Variants in TFEB observed in about 807,000 individuals in gnomAD.
TFEB encodes the protein transcription factor EB, also known as T-cell transcription factor EB.
In TFEB, 12 loss-of-function variants were observed where a neutral mutation model predicts 48.0. That is an observed-to-expected ratio of 0.25 (90% CI 0.16 to 0.40). The LOEUF is 0.40. Ranked by LOEUF, TFEB falls within the 10% of genes least tolerant of loss-of-function variation. TFEB has a pLI of 1.00. For missense variants in TFEB, 509 were observed against 640.3 expected (o/e 0.79, Z 2.21); for synonymous variants, 244 against 261.4 (o/e 0.93, Z 0.64).
chr6:41,721,814 TG>T (rs1321191739), intron 1 of TFEB, among the ~76,000 whole-genome samples: 1 of 152,182 alleles, frequency 6.6e-6, no homozygotes, highest in African/African-American at 2.4e-5. Flanking sequence ...CAGACAGAGC[TG>T]AAAACCAGGC....
intron 1 of TFEB, among the ~76,000 whole-genome samples, chr6:41,707,994 T>C (rs1770314529): frequency 6.6e-6 from 1 of 152,206 alleles, no homozygotes; most frequent in East Asian, 1.9e-4. Context: ...CTCTAGGCTC[T>C]GTGGCGCTCA....
At chr6:41,687,616 G>C (rs1253857861) in intron 6 of TFEB, 137 bp downstream of exon 6, 3 of 1,066,450 alleles carry the variant, frequency 2.8e-6, no homozygotes, top group Non-Finnish European at 4.2e-6. Flanking sequence ...AGCAATGGGA[G>C]GGCTTAAGCC....
At chr6:41,686,299 ACTGCTCTGGTTG>A (rs1561847958) in intron 7 of TFEB, 62 bp from the exon 8 acceptor site, 1 of 1,597,276 alleles carries the variant, frequency 6.3e-7, no homozygotes, top group Non-Finnish European at 8.6e-7. Flanking sequence ...AATCCTTGCT[ACTGCTCTGGTTG>A]CAGAGCTTAT....
intron 1 of TFEB, among the ~76,000 whole-genome samples, chr6:41,726,565 T>A (rs1355435341): frequency 1.3e-5 from 2 of 152,068 alleles, no homozygotes; most frequent in Non-Finnish European, 2.9e-5. Flanking sequence ...TGCCTTAGCC[T>A]CCCAAGCTGG....
At chr6:41,693,068 T>C (rs891770351) in intron 1 of TFEB, among the ~76,000 whole-genome samples, 2 of 152,136 alleles carry the variant, frequency 1.3e-5, no homozygotes, top group African/African-American at 4.8e-5. Context: ...GCATGAGACA[T>C]GGATGGGCAC....
At chr6:41,729,635 G>T (rs1771368846) in intron 1 of TFEB, among the ~76,000 whole-genome samples, 1 of 152,216 alleles carries the variant, frequency 6.6e-6, no homozygotes, top group Non-Finnish European at 1.5e-5. Flanking sequence ...GCCTCATCCT[G>T]CCTTCATCAA....
chr6:41,733,081 G>A, intron 1 of TFEB: 1 of 983,252 alleles, frequency 1.0e-6, no homozygotes, highest in East Asian at 1.1e-4. Flanking sequence ...TGCAATTACA[G>A]TCATAAACAG....
At chr6:41,699,575 G>T (rs1056127271) in intron 1 of TFEB, among the ~76,000 whole-genome samples, 1 of 152,244 alleles carries the variant, frequency 6.6e-6, no homozygotes, top group African/African-American at 2.4e-5. Flanking sequence ...ATTCACTGCA[G>T]GAGATGAGAG....
intron 1 of TFEB, among the ~76,000 whole-genome samples, chr6:41,710,366 G>A (rs1291711550): frequency 6.6e-6 from 1 of 152,174 alleles, no homozygotes; most frequent in African/African-American, 2.4e-5. Flanking sequence ...GTGGGTCAGG[G>A]ACCAGATAAA....
rs766158224 is a variant in TFEB at position 41,687,085 on chromosome 6, C to T, written c.803+9G>A. ...GACCCATCACCCTCCCCCTCAGAAA[C>T]CTGCTCACAGGTCATTGGCCTTGGG... On this transcript the variant is annotated intron_variant, in intron 7 of 8. Transcript: ENST00000373033. The T allele has an allele frequency of 6.2e-7, 1 of 1,614,066 alleles. No homozygotes were observed. Among genetic ancestry groups the T allele is most frequent in the Non-Finnish European group, 8.5e-7 (1 of 1,179,892 alleles).
intron 1 of TFEB, among the ~76,000 whole-genome samples, chr6:41,702,264 G>T (rs1769971893): frequency 6.6e-6 from 1 of 152,166 alleles, no homozygotes; most frequent in South Asian, 2.1e-4. Context: ...AGACATCCAT[G>T]CCCAGGAGGC....
At chr6:41,729,884 T>C (rs1254773538) in intron 1 of TFEB, among the ~76,000 whole-genome samples, 1 of 152,192 alleles carries the variant, frequency 6.6e-6, no homozygotes, top group East Asian at 1.9e-4. Context: ...GGCTCTCACC[T>C]GGGTAGCTGC....
At chr6:41,686,977 A>C (rs2127446052) in intron 7 of TFEB, 117 bp downstream of exon 7, 1 of 845,802 alleles carries the variant, frequency 1.2e-6, no homozygotes. Flanking sequence ...AAATAGATGA[A>C]CTTCTAGAAG....
In TFEB at chr6:41,691,066, T is replaced by C. The variant is rs773250890; in HGVS notation, c.148A>G (p.Thr50Ala). 1 of 1,570,570 alleles carries C rather than the reference T, an allele frequency of 6.4e-7. No homozygotes were observed. Among genetic ancestry groups the C allele is most frequent in the South Asian group, 1.2e-5 (1 of 86,672 alleles). ...TGGACGGGGGTATTGATGGCCGGGG[T>C]GGGCGGCCCTCCGAGCTGCTGCTGT... is the stretch of plus-strand genomic sequence containing the variant. ...QQQQQLGGPP[T>A]PAINTPVHFQ... The change falls in exon 2 of 9, where the codon ACC becomes GCC. Residue 50 changes from threonine (T) to alanine (A), a missense_variant. Around this residue, in one of 4 missense-constraint regions of TFEB, gnomAD observed 251 missense variants for 317.2 expected, o/e 0.79. Coordinates refer to ENST00000373033, the MANE Select transcript of TFEB (RefSeq NM_001271944.2). This position sits in a 1 kb window ranked among gnomAD's most constrained non-coding sequence, Gnocchi z 5.2.
chr6:41,684,533 G>C lies in TFEB; in HGVS notation c.*66C>G. 6.7e-7 allele frequency: 1 copy of C among 1,494,704 alleles called. No homozygotes were observed. 92.6% of individuals were successfully genotyped at this position (1,494,704 alleles called of 1,614,324 possible). ...CACAGTGCAGCCTGAAGGGTGGGAGGGAGGTGCCCCTGGCCCTCCCAGCCC... is the reference window on the plus strand; with the variant it reads ...CACAGTGCAGCCTGAAGGGTGGGAGCGAGGTGCCCCTGGCCCTCCCAGCCC... On this transcript the variant is annotated 3_prime_UTR_variant, in exon 9 of 9. Coordinates refer to ENST00000373033, the MANE Select transcript of TFEB (RefSeq NM_001271944.2).
chr6:41,717,990 A>T (rs1234682365), intron 1 of TFEB, among the ~76,000 whole-genome samples: 1 of 152,194 alleles, frequency 6.6e-6, no homozygotes, highest in Middle Eastern at 3.2e-3. Flanking sequence ...AAAAATTAGC[A>T]TATCACAGGC....
In TFEB at chr6:41,685,067, C is replaced by A; in HGVS notation, c.963G>T (p.Met321Ile). The change falls in exon 9 of 9, where the codon ATG becomes ATT. Residue 321 changes from methionine (M) to isoleucine (I), a missense_variant. By Grantham distance (10) the Met-to-Ile change is conservative (BLOSUM62 1). This residue lies in a region of TFEB where 62 missense variants were observed against 90.2 expected (regional missense o/e 0.69). Coordinates refer to ENST00000373033, the MANE Select transcript of TFEB (RefSeq NM_001271944.2). ...QLWLRIQELEMQARVHGLPTT... is the reference protein window; with the variant it reads ...QLWLRIQELEIQARVHGLPTT... Reference sequence around the variant, plus strand: ...TAGGGAGGCCGTGCACTCGAGCCTGCATCTCCAGCTCCTGCAGGGGAGCAG... The same window carrying A: ...TAGGGAGGCCGTGCACTCGAGCCTGAATCTCCAGCTCCTGCAGGGGAGCAG... The A allele has an allele frequency of 6.9e-7, 1 of 1,447,054 alleles. No homozygotes were observed. The highest frequency in any genetic ancestry group is 9.1e-7 in the Non-Finnish European group (1 of 1,096,722). The allele number at this position is 1,447,054 out of a possible 1,614,324, so 89.6% of individuals were successfully genotyped here.
chr6:41,708,986 G>A (rs1486251860), intron 1 of TFEB, among the ~76,000 whole-genome samples: 1 of 152,214 alleles, frequency 6.6e-6, no homozygotes, highest in Non-Finnish European at 1.5e-5. Context: ...GTTGCAAGTT[G>A]CATGGAGAAG....
intron 1 of TFEB, among the ~76,000 whole-genome samples, chr6:41,700,949 G>A (rs1769888068): frequency 6.6e-6 from 1 of 152,240 alleles, no homozygotes; most frequent in African/African-American, 2.4e-5. Context: ...GACCAGCTGG[G>A]CCCTGGCAAA....
Sources: allele counts gnomAD v4.1 joint callset (sites outside exome capture counted in the v4.1 genomes callset), GRCh38; gene constraint gnomAD v4.1.1; regional missense constraint gnomAD v4.1.1; non-coding constraint Gnocchi (gnomAD v3.1); transcripts MANE v1.5; gene names NCBI Gene and HGNC (gene_info 2026-07-23, HGNC 2026-07-21).